ARHGAP35: variants seen among roughly 807,000 people sequenced by gnomAD.
The protein encoded by ARHGAP35 is rho GTPase-activating protein 35.
In ARHGAP35, 15 loss-of-function variants were observed where a neutral mutation model predicts 111.1. The ratio of observed to expected loss-of-function variants is 0.13; its 90% confidence interval spans 0.09 to 0.21. The LOEUF is 0.21. ARHGAP35 is among the 10% of genes least tolerant of loss of function. The probability of loss-of-function intolerance (pLI) is 1.00; values close to 1 mark genes in which losing one functional copy is unlikely to be tolerated. For missense variants in ARHGAP35, 1,262 were observed against 1,873.0 expected (o/e 0.67, Z 6.02); for synonymous variants, 643 against 710.3 (o/e 0.91, Z 1.51).
chr19:46,998,219 A>G (rs1228689557), intron 5 of ARHGAP35, among the ~76,000 whole-genome samples: 1 of 152,030 alleles, frequency 6.6e-6, no homozygotes, highest in African/African-American at 2.4e-5. Context: ...TGGCACCATC[A>G]TCTATCCCAA....
intron 1 of ARHGAP35, among the ~76,000 whole-genome samples, chr19:46,869,476 T>G (rs1036836230): frequency 3.5e-5 from 5 of 144,210 alleles, no homozygotes; most frequent in Non-Finnish European, 6.1e-5. Flanking sequence ...AGAAAAAAAA[T>G]TGTGTGTGTG....
intron 1 of ARHGAP35, among the ~76,000 whole-genome samples, chr19:46,899,891 C>G (rs1037206858): frequency 1.3e-5 from 2 of 152,188 alleles, no homozygotes; most frequent in Middle Eastern, 3.4e-3. Context: ...TTGTTTCTGT[C>G]TTAAGAACTG....
At chr19:46,879,587 A>AAAATAAATAAATAAAAAAATAAAT (rs1555754359) in intron 1 of ARHGAP35, among the ~76,000 whole-genome samples, 2 of 87,724 alleles carry the variant, frequency 2.3e-5, no homozygotes, top group African/African-American at 8.7e-5. Flanking sequence ...ACTCCATCTC[A>AAAATAAATAAATAAAAAAATAAAT]AAATAAATAA....
chr19:46,865,357 C>T (rs2055849707), intron 1 of ARHGAP35, among the ~76,000 whole-genome samples: 1 of 152,216 alleles, frequency 6.6e-6, no homozygotes, highest in South Asian at 2.1e-4. Context: ...TTTCAACTAA[C>T]CTCTTTTTGG....
At chr19:46,965,867 T>TC (rs1331006908) in intron 3 of ARHGAP35, among the ~76,000 whole-genome samples, 1 of 152,220 alleles carries the variant, frequency 6.6e-6, no homozygotes, top group East Asian at 1.9e-4. Context: ...CAATGTTTAG[T>TC]TTTTACAATC....
intron 3 of ARHGAP35, among the ~76,000 whole-genome samples, chr19:46,954,438 C>T (rs536821558): frequency 6.6e-6 from 1 of 152,326 alleles, no homozygotes; most frequent in Admixed American, 6.5e-5. Flanking sequence ...ATTGAGGCAA[C>T]TGAAAGTCAG....
At position 46,989,795 on chromosome 19, in the gene ARHGAP35, G is replaced by A. The variant is rs894967009; in HGVS notation, c.4036+120G>A. ...AGAGCTGAGGTTTGAAGGACAGAGG[G>A]CAAGGGAATTAACCAGATGACAGCA... is the stretch of plus-strand genomic sequence containing the variant. On this transcript the variant is annotated intron_variant, in intron 5 of 6. Transcript: ENST00000672722. The surrounding 1 kb of genome is among the most constrained non-coding windows in gnomAD (Gnocchi z 5.3). 6.0e-6 allele frequency: 9 copies of A among 1,500,214 alleles called. No homozygotes were observed. Among genetic ancestry groups the A allele is most frequent in the Non-Finnish European group, 8.1e-6 (9 of 1,104,984 alleles). 92.9% of individuals were successfully genotyped at this position (1,500,214 alleles called of 1,614,324 possible). A position where few individuals can be genotyped will look rare whatever the true frequency, so the allele number is the denominator to read the frequency against.
Position 46,869,029 on chromosome 19 carries a change from C to T in ARHGAP35, c.-189+7820C>T, listed in dbSNP as rs529513661. Among the ~76,000 whole-genome samples the T allele has an allele frequency of 1.7e-4, 26 of 150,842 alleles. 1 individual carries two copies. Among genetic ancestry groups the T allele is most frequent in the South Asian group, 1.3e-3 (6 of 4,758 alleles). On this transcript the variant is annotated intron_variant, in intron 1 of 6. Coordinates refer to ENST00000672722, the MANE Select transcript of ARHGAP35 (RefSeq NM_004491.5). ...CAAGCGATTCTCCTGCTTCAGCCTC[C>T]GAAGTAGCTGGGATTACAGGCACTT...
At position 47,001,318 on chromosome 19, in the gene ARHGAP35, C is replaced by A; in HGVS notation, c.*630C>A. ...GAGTGTGGGACTCCCCGCTTCATCC[C>A]CACCGTCCCACTCCACAGCCTTCCC... is the stretch of plus-strand genomic sequence containing the variant. On this transcript the variant is annotated 3_prime_UTR_variant, in exon 7 of 7. Coordinates refer to ENST00000672722, the MANE Select transcript of ARHGAP35 (RefSeq NM_004491.5). The surrounding 1 kb of genome is among the most constrained non-coding windows in gnomAD (Gnocchi z 5.4). The A allele has an allele frequency of 1.5e-6, 2 of 1,290,436 alleles. No homozygotes were observed. The highest frequency in any genetic ancestry group is 1.2e-5 in the South Asian group (1 of 81,032). The allele number at this position is 1,290,436 out of a possible 1,614,324, so 79.9% of individuals were successfully genotyped here.
intron 3 of ARHGAP35, among the ~76,000 whole-genome samples, chr19:46,944,241 G>A (rs1324024995): frequency 6.7e-6 from 1 of 150,192 alleles, no homozygotes. Flanking sequence ...TGAGGTTACA[G>A]TAAGCTGAGA....
At chr19:46,910,534 T>A (rs2056132575) in intron 1 of ARHGAP35, among the ~76,000 whole-genome samples, 1 of 151,566 alleles carries the variant, frequency 6.6e-6, no homozygotes, top group Admixed American at 6.6e-5. Context: ...TCAAGTGATC[T>A]GCCCACTTTG....
At chr19:46,877,554 G>A (rs1476936006) in intron 1 of ARHGAP35, among the ~76,000 whole-genome samples, 3 of 151,966 alleles carry the variant, frequency 2.0e-5, no homozygotes, top group African/African-American at 7.3e-5. Context: ...AAAAGAGCAA[G>A]ACTCTTGTCT....
At chr19:46,905,591 C>T (rs1302968642) in intron 1 of ARHGAP35, among the ~76,000 whole-genome samples, 1 of 151,386 alleles carries the variant, frequency 6.6e-6, no homozygotes, top group African/African-American at 2.4e-5. Flanking sequence ...ACTCTGTCAC[C>T]CAGGCTGGAG....
intron 1 of ARHGAP35, among the ~76,000 whole-genome samples, chr19:46,914,287 G>C (rs2056152953): frequency 6.6e-6 from 1 of 152,108 alleles, no homozygotes; most frequent in South Asian, 2.1e-4. Flanking sequence ...CTATTTTAAT[G>C]ATCAGCAGCA....
rs187482480 is a variant in ARHGAP35, at chr19:46,923,163, G to T, written c.3681+807G>T. 6.2e-3 allele frequency among the ~76,000 whole-genome samples: 904 copies of T among 146,434 alleles called. 4 individuals carry two copies. The highest frequency in any genetic ancestry group is 0.021 in the South Asian group (97 of 4,636). ...TCAGTCACCCACGCTAGAGTGCAGTGGCGCGATCTCCGCTCACTGCAAGCT... is the reference window on the plus strand; with the variant it reads ...TCAGTCACCCACGCTAGAGTGCAGTTGCGCGATCTCCGCTCACTGCAAGCT... On this transcript the variant is annotated intron_variant, in intron 2 of 6. Transcript: ENST00000672722.
chr19:46,910,155 C>T (rs2122180213), intron 1 of ARHGAP35, among the ~76,000 whole-genome samples: 1 of 152,248 alleles, frequency 6.6e-6, no homozygotes, highest in East Asian at 1.9e-4. Flanking sequence ...AACTGTCACC[C>T]AGGCTACAGT....
At chr19:46,972,996 C>T (rs2056559342) in intron 3 of ARHGAP35, among the ~76,000 whole-genome samples, 1 of 146,820 alleles carries the variant, frequency 6.8e-6, no homozygotes, top group African/African-American at 2.6e-5. Context: ...AGATTTACTT[C>T]CAAACCTCTC....
chr19:46,944,417 A>C (rs958679866), intron 3 of ARHGAP35, among the ~76,000 whole-genome samples: 1 of 152,198 alleles, frequency 6.6e-6, no homozygotes, highest in East Asian at 1.9e-4. Context: ...TCATCTCATT[A>C]ATGTACAGAT....
Position 46,921,081 on chromosome 19 carries a change from T to C in ARHGAP35, c.2406T>C (p.Pro802=). 1 of 1,614,036 alleles carries C rather than the reference T, an allele frequency of 6.2e-7. No homozygotes were observed. Among genetic ancestry groups the C allele is most frequent in the Non-Finnish European group, 8.5e-7 (1 of 1,179,896 alleles). Residue 802 remains proline (P), a synonymous_variant, in exon 2 of 7, where the codon CCT becomes CCC. Coordinates refer to ENST00000672722, the MANE Select transcript of ARHGAP35 (RefSeq NM_004491.5). This position sits in a 1 kb window ranked among gnomAD's most constrained non-coding sequence, Gnocchi z 4.3. ...DPFSADDILF[P]VLQSQTCKSS... is the part of the protein sequence containing the mutation. Reference sequence around the variant, plus strand: ...TTAGTGCAGATGACATACTTTTTCCTGTCCTTCAGTCCCAAACCTGTAAAT... The same window carrying C: ...TTAGTGCAGATGACATACTTTTTCCCGTCCTTCAGTCCCAAACCTGTAAAT...
Sources: gnomAD v4.1 joint callset for allele counts (sites outside exome capture counted in the v4.1 genomes callset) on GRCh38, gnomAD v4.1.1 for gene constraint, Gnocchi (gnomAD v3.1) non-coding constraint, MANE v1.5 for transcripts, NCBI Gene and HGNC (gene_info 2026-07-23, HGNC 2026-07-21) for gene names.